GABRG1: variants seen among roughly 807,000 people sequenced by gnomAD.
The protein encoded by GABRG1 is gamma-aminobutyric acid receptor subunit gamma-1.
A neutral mutation model predicts 49.8 loss-of-function variants in GABRG1; 49 were observed. The observed-to-expected ratio is 0.98, with a 90% CI of 0.78 to 1.25. The LOEUF is 1.25. GABRG1 is among the 50% of genes most tolerant of loss of function. The probability of loss-of-function intolerance (pLI) is 0.00; values close to 1 mark genes in which losing one functional copy is unlikely to be tolerated. For missense variants in GABRG1, 552 were observed against 552.3 expected (o/e 1.00, Z 0.01); for synonymous variants, 232 against 185.1 (o/e 1.25, Z -2.06).
chr4:46,107,924 T>C (rs1720604086), intron 1 of GABRG1, among the ~76,000 whole-genome samples: 1 of 151,250 alleles, frequency 6.6e-6, no homozygotes, highest in Admixed American at 6.6e-5. Context: ...TATTTACTTA[T>C]GTATTTGGTA....
intron 1 of GABRG1, among the ~76,000 whole-genome samples, chr4:46,097,557 A>G (rs969903430): frequency 4.0e-5 from 6 of 149,714 alleles, no homozygotes; most frequent in African/African-American, 1.3e-4. Flanking sequence ...TGTGCAAGAA[A>G]TACACAATAT....
At chr4:46,115,023 T>C (rs912019877) in intron 1 of GABRG1, among the ~76,000 whole-genome samples, 15 of 151,042 alleles carry the variant, frequency 9.9e-5, no homozygotes, top group African/African-American at 3.6e-4. Flanking sequence ...TAATGTATGA[T>C]TCCTAAATTT....
At chr4:46,097,552 A>G (rs992776891) in intron 1 of GABRG1, among the ~76,000 whole-genome samples, 1 of 150,610 alleles carries the variant, frequency 6.6e-6, no homozygotes, top group African/African-American at 2.5e-5. Context: ...AATTCTGTGC[A>G]AGAAATACAC....
chr4:46,058,724 T>A lies in GABRG1; in HGVS notation c.626-102A>T, dbSNP rs1357243071. 3.8e-6 allele frequency: 3 copies of A among 797,964 alleles called. No individual in the cohort carries two copies. The East Asian group carries it at 7.9e-5, about 21-fold the overall frequency. 49.4% of individuals were successfully genotyped at this position (797,964 alleles called of 1,614,324 possible). On this transcript the variant is annotated intron_variant, in intron 5 of 8. Transcript: ENST00000295452. ...TTCTTGGAACTTTCTCCTCTTTTTT[T>A]ATTACAAGATATGCCAAACATAGAA...
chr4:46,108,422 CATT>C (rs139088291), intron 1 of GABRG1, among the ~76,000 whole-genome samples: 2,477 of 151,252 alleles, frequency 0.016, 66 homozygotes, highest in African/African-American at 0.058. Flanking sequence ...AGAGTCCACT[CATT>C]CATCAGTCAA....
In GABRG1 at chr4:46,058,554, A is replaced by G. The variant is rs150607696; in HGVS notation, c.694T>C (p.Tyr232His). 15 of 1,613,164 alleles carry G rather than the reference A, an allele frequency of 9.3e-6. No individual in the cohort carries two copies. Among genetic ancestry groups the G allele is most frequent in the Non-Finnish European group, 1.2e-5 (14 of 1,179,434 alleles). The change falls in exon 6 of 9, where the codon TAC becomes CAC. Residue 232 changes from tyrosine (Y) to histidine (H), a missense_variant. By Grantham distance (83) the Tyr-to-His change is moderately conservative. Coordinates refer to ENST00000295452, the MANE Select transcript of GABRG1 (RefSeq NM_173536.4). The part of the protein sequence containing the change: ...KPSVEVADPK[Y>H]WRLYQFAFVG... ...AATGCAAACTGATATAATCTCCAGT[A>G]TTTAGGATCAGCCACTTCTACGGAG...
chr4:46,065,974 A>T (rs1718905771), intron 3 of GABRG1, among the ~76,000 whole-genome samples: 1 of 152,098 alleles, frequency 6.6e-6, no homozygotes, highest in African/African-American at 2.4e-5. Flanking sequence ...TGCCCGGCTC[A>T]TCCTCCCAAA....
intron 3 of GABRG1, among the ~76,000 whole-genome samples, chr4:46,078,498 G>GA (rs1333004303): frequency 1.3e-5 from 2 of 151,900 alleles, no homozygotes; most frequent in African/African-American, 4.8e-5. Context: ...GTGGCAGGGA[G>GA]AAAAAGAGAG....
chr4:46,076,580 G>C (rs1233026058), intron 3 of GABRG1, among the ~76,000 whole-genome samples: 1 of 151,296 alleles, frequency 6.6e-6, no homozygotes, highest in East Asian at 2.0e-4. Flanking sequence ...GGAGCAGCCA[G>C]TTAAAGCAAG....
intron 2 of GABRG1, among the ~76,000 whole-genome samples, chr4:46,084,545 G>C (rs1172174808): frequency 2.0e-5 from 3 of 151,582 alleles, no homozygotes; most frequent in Admixed American, 6.6e-5. Context: ...CCAAACTTCA[G>C]TGAAAAACTT....
chr4:46,103,135 C>A (rs942261683), intron 1 of GABRG1, among the ~76,000 whole-genome samples: 3 of 151,490 alleles, frequency 2.0e-5, no homozygotes, highest in African/African-American at 7.3e-5. Flanking sequence ...CGGGAGGGAG[C>A]TTCTTCCATT....
intron 1 of GABRG1, among the ~76,000 whole-genome samples, chr4:46,103,593 C>CAGATAATAGGT (rs1423347524): frequency 6.6e-6 from 1 of 151,194 alleles, no homozygotes. Flanking sequence ...ATATAAAATC[C>CAGATAATAGGT]AGATAATAGG....
At chr4:46,122,577 CTG>C (rs1158791494) in intron 1 of GABRG1, among the ~76,000 whole-genome samples, 1 of 151,960 alleles carries the variant, frequency 6.6e-6, no homozygotes, top group Admixed American at 6.6e-5. Context: ...AAAGCACTAA[CTG>C]TCAAAAAATT....
intron 2 of GABRG1, among the ~76,000 whole-genome samples, chr4:46,088,638 A>G (rs1719866892): frequency 6.6e-6 from 1 of 151,952 alleles, no homozygotes; most frequent in Non-Finnish European, 1.5e-5. Flanking sequence ...CAGTGTAGTT[A>G]AACCTGAGCA....
chr4:46,117,605 T>C (rs1720943106), intron 1 of GABRG1, among the ~76,000 whole-genome samples: 1 of 139,846 alleles, frequency 7.2e-6, no homozygotes, highest in African/African-American at 2.7e-5. Flanking sequence ...TCTCTCTCTC[T>C]CTCTCTCTAT....
At chr4:46,118,258 C>A (rs1720992971) in intron 1 of GABRG1, among the ~76,000 whole-genome samples, 1 of 149,534 alleles carries the variant, frequency 6.7e-6, no homozygotes, top group South Asian at 2.1e-4. Context: ...ATCTATCTAT[C>A]TATCTATCTA....
intron 1 of GABRG1, among the ~76,000 whole-genome samples, chr4:46,120,941 A>G (rs931028574): frequency 6.6e-6 from 1 of 151,782 alleles, no homozygotes; most frequent in African/African-American, 2.4e-5. Context: ...GATTATTTTC[A>G]TCATTACAAA....
chr4:46,044,395 G>A (rs1016107023), intron 8 of GABRG1, among the ~76,000 whole-genome samples: 2 of 151,968 alleles, frequency 1.3e-5, no homozygotes, highest in Non-Finnish European at 2.9e-5. Context: ...GTGGGAGGAT[G>A]GCTTGATCTC....
At chr4:46,060,876 G>A (rs776812892) in intron 5 of GABRG1, among the ~76,000 whole-genome samples, 1 of 152,044 alleles carries the variant, frequency 6.6e-6, no homozygotes, top group Non-Finnish European at 1.5e-5. Context: ...TGGCTAAATA[G>A]CCACTCTGAA....
Sources: allele counts gnomAD v4.1 joint callset (sites outside exome capture counted in the v4.1 genomes callset), GRCh38; gene constraint gnomAD v4.1.1; transcripts MANE v1.5; gene names NCBI Gene and HGNC (gene_info 2026-07-23, HGNC 2026-07-21).